KMT2C: variants seen among roughly 807,000 people sequenced by gnomAD.
KMT2C encodes the protein lysine methyltransferase 2C.
KMT2C carries 88 observed loss-of-function variants against 507.9 expected under a neutral mutation model. The ratio of observed to expected loss-of-function variants is 0.17; its 90% CI spans 0.15 to 0.21. KMT2C has a LOEUF of 0.21. KMT2C is among the 10% of genes least tolerant of loss of function. KMT2C has a pLI of 1.00. For missense variants in KMT2C, 4,954 were observed against 5,957.8 expected, an observed-to-expected ratio of 0.83 and a Z score of 5.55; for synonymous variants, 2,049 against 2,080.8, an observed-to-expected ratio of 0.98 and a Z score of 0.42.
intron 6 of KMT2C, among the ~76,000 whole-genome samples, chr7:152,295,809 G>A (rs1267188045): frequency 3.9e-5 from 6 of 152,160 alleles, no homozygotes; most frequent in East Asian, 1.9e-4. Flanking sequence ...GCTCACGCCT[G>A]TAATCCCAGC....
chr7:152,152,347 T>G (rs2091699075), intron 49 of KMT2C, among the ~76,000 whole-genome samples: 1 of 152,142 alleles, frequency 6.6e-6, no homozygotes, highest in South Asian at 2.1e-4. Flanking sequence ...AGAACCCACG[T>G]CAGGTCACCA....
Position 152,156,062 on chromosome 7 carries a change from A to G in KMT2C, c.11813-5T>C. ...TAGGTCCTAGAGTTTTGGTAACTGG[A>G]AAAGCAAAAACACAAAACCATAAAT... On this transcript the variant is annotated splice_region_variant and splice_polypyrimidine_tract_variant and intron_variant, in intron 45 of 58. Coordinates refer to ENST00000262189, the MANE Select transcript of KMT2C (RefSeq NM_170606.3). 6.3e-7 allele frequency: 1 copy of G among 1,595,868 alleles called. No individual in the cohort carries two copies. The highest frequency in any genetic ancestry group is 8.5e-7 in the Non-Finnish European group (1 of 1,173,416).
At chr7:152,220,324 A>G (rs2094726786) in intron 23 of KMT2C, 199 bp downstream of exon 23, 4 of 582,626 alleles carry the variant, frequency 6.9e-6, no homozygotes, top group South Asian at 2.1e-5. Flanking sequence ...GGTCTGTTCT[A>G]AAATGTGTGA....
At chr7:152,330,890 T>G in intron 2 of KMT2C, 151 bp from the exon 3 acceptor site, 2 of 684,060 alleles carry the variant, frequency 2.9e-6, no homozygotes, top group Non-Finnish European at 4.9e-6. Flanking sequence ...TGCACGTAAT[T>G]AGTGGTATTG....
rs71198770 is a variant in KMT2C, at chr7:152,253,514, C to CAAAAAAAAAAAAA, written c.1300-812_1300-800dup. ...AGAAGGCAAAACACCTCTTTCTCTACAAAAAAAAAAAAAAAAAAAAAAAAA... is the reference window on the plus strand; with the variant it reads ...AGAAGGCAAAACACCTCTTTCTCTACAAAAAAAAAAAAAAAAAAAAAAAAAAAAAAAAAAAAAA... On this transcript the variant is annotated intron_variant, in intron 9 of 58. Transcript: ENST00000262189. Among the ~76,000 whole-genome samples the CAAAAAAAAAAAAA allele has an allele frequency of 4.3e-4, 17 of 39,516 alleles. 1 individual carries two copies. The highest frequency in any genetic ancestry group is 1.3e-3 in the African/African-American group (17 of 12,820). 25.9% of individuals were successfully genotyped at this position (39,516 alleles called of 152,430 possible).
chr7:152,163,167 C>T lies in KMT2C; in HGVS notation c.10410G>A (p.Gln3470=), dbSNP rs1377762219. 2 of 1,614,050 alleles carry T rather than the reference C, an allele frequency of 1.2e-6. No homozygotes were observed. The highest frequency in any genetic ancestry group is 1.3e-5 in the African/African-American group (1 of 74,928). The change falls in exon 43 of 59, where the codon CAG becomes CAA. Residue 3470 remains glutamine (Q), a synonymous_variant. Transcript: ENST00000262189. Reference sequence around the variant, plus strand: ...TTTGCTGTTGGTGTTGTGGAGACTGCTGAAGGGGTCCTAGAGGTTGCATAA... The same window carrying T: ...TTTGCTGTTGGTGTTGTGGAGACTGTTGAAGGGGTCCTAGAGGTTGCATAA... The part of the protein sequence containing the change: ...CDFMQPLGPL[Q]QSPQHQQQMG...
intron 2 of KMT2C, among the ~76,000 whole-genome samples, chr7:152,353,990 G>A (rs886476612): frequency 2.6e-5 from 4 of 152,144 alleles, no homozygotes; most frequent in Admixed American, 1.3e-4. Flanking sequence ...TGCAGGTTTA[G>A]TGGTTATAAC....
chr7:152,249,323 T>G (rs1229263218), intron 13 of KMT2C, among the ~76,000 whole-genome samples: 20 of 123,484 alleles, frequency 1.6e-4, no homozygotes, highest in African/African-American at 7.1e-4. Context: ...TTATCTGGTT[T>G]TTTTTTTTTT....
intron 2 of KMT2C, among the ~76,000 whole-genome samples, chr7:152,331,667 T>G (rs201205551): frequency 0.011 from 1,375 of 130,286 alleles, 18 homozygotes; most frequent in African/African-American, 0.035. Context: ...TTTTTTTTTT[T>G]GATGGAGTCT....
At chr7:152,328,272 G>C (rs570869532) in intron 3 of KMT2C, among the ~76,000 whole-genome samples, 4 of 152,176 alleles carry the variant, frequency 2.6e-5, no homozygotes, top group Non-Finnish European at 5.9e-5. Flanking sequence ...ACAAACACCA[G>C]TGTGTTCTTT....
chr7:152,225,289 C>T (rs574569480), intron 18 of KMT2C, among the ~76,000 whole-genome samples: 1 of 151,970 alleles, frequency 6.6e-6, no homozygotes, highest in Admixed American at 6.6e-5. Flanking sequence ...ATCAAGTGCC[C>T]ACATTATAAT....
In KMT2C at chr7:152,181,167, C is replaced by T. The variant is rs1314390390; in HGVS notation, c.6693G>A (p.Glu2231=). 1 of 1,614,118 alleles carries T rather than the reference C, an allele frequency of 6.2e-7. No individual in the cohort carries two copies. The highest frequency in any genetic ancestry group is 8.5e-7 in the Non-Finnish European group (1 of 1,180,026). The change falls in exon 36 of 59, where the codon GAG becomes GAA. Residue 2231 remains glutamate, a synonymous_variant. Transcript: ENST00000262189. ...TTGTCATTGAGGACCTAGTAAAACC[C>T]TCTGAAATCCTTGGCCTTGGTGTTG... ...PPATPRPRIS[E]GFTRSSMTRP...
intron 15 of KMT2C, among the ~76,000 whole-genome samples, chr7:152,237,878 T>A (rs2129157019): frequency 6.6e-6 from 1 of 152,406 alleles, no homozygotes; most frequent in African/African-American, 2.4e-5. Context: ...ACTACAGTAA[T>A]CTCTCAATTT....
chr7:152,416,049 T>A (rs375159549), intron 1 of KMT2C, among the ~76,000 whole-genome samples: 2 of 152,098 alleles, frequency 1.3e-5, no homozygotes, highest in African/African-American at 4.8e-5. Context: ...ACATTACAAA[T>A]TGATGCAACC....
chr7:152,344,372 G>A (rs2097031220), intron 2 of KMT2C, among the ~76,000 whole-genome samples: 1 of 152,182 alleles, frequency 6.6e-6, no homozygotes, highest in East Asian at 1.9e-4. Flanking sequence ...GCTGGACCAA[G>A]AGATGATTCA....
chr7:152,311,736 T>G, intron 5 of KMT2C, 62 bp downstream of exon 5: 1 of 1,219,418 alleles, frequency 8.2e-7, no homozygotes, highest in Non-Finnish European at 1.2e-6. Context: ...ACATTAATAA[T>G]GTATTAAAAT....
At chr7:152,397,480 G>A (rs575635258) in intron 1 of KMT2C, among the ~76,000 whole-genome samples, 1 of 152,088 alleles carries the variant, frequency 6.6e-6, no homozygotes, top group South Asian at 2.1e-4. Context: ...TTCTTACCAC[G>A]GTGTGAAGGG....
Position 152,422,026 on chromosome 7 carries a change from A to C in KMT2C, c.161+13600T>G, listed in dbSNP as rs2097780186. ...ACCAAATGTTTTCAATGAAAAGATT[A>C]CAAAAGTTGAAGTAACCACATTTTT... On this transcript the variant is annotated intron_variant, in intron 1 of 58. Coordinates refer to ENST00000262189, the MANE Select transcript of KMT2C (RefSeq NM_170606.3). Among the ~76,000 whole-genome samples, 5 of 152,214 alleles carry C rather than the reference A, an allele frequency of 3.3e-5. No individual in the cohort carries two copies. In the South Asian group the frequency reaches 1.0e-3, roughly 31 times the overall value.
intron 6 of KMT2C, among the ~76,000 whole-genome samples, chr7:152,296,063 G>A (rs1461814898): frequency 8.8e-5 from 8 of 90,762 alleles, no homozygotes; most frequent in Admixed American, 3.0e-4. Flanking sequence ...ACGAGACTCC[G>A]TCTCAAAAAA....
Sources: allele counts gnomAD v4.1 joint callset (sites outside exome capture counted in the v4.1 genomes callset), GRCh38; gene constraint gnomAD v4.1.1; transcripts MANE v1.5; gene names NCBI Gene and HGNC (gene_info 2026-07-23, HGNC 2026-07-21).